Variants in SLC2A10 observed in about 807,000 individuals in gnomAD.
SLC2A10 encodes solute carrier family 2, facilitated glucose transporter member 10.
SLC2A10 carries 25 observed loss-of-function variants against 32.1 expected under a neutral mutation model. The observed-to-expected ratio is 0.78, with a 90% confidence interval of 0.57 to 1.09. SLC2A10 has a LOEUF of 1.09. SLC2A10 is among the 50% of genes least tolerant of loss of function. The probability of loss-of-function intolerance (pLI) is 0.00; values close to 1 mark genes in which losing one functional copy is unlikely to be tolerated. For missense variants in SLC2A10, 673 were observed against 686.5 expected, an observed-to-expected ratio of 0.98 and a Z score of 0.22; for synonymous variants, 332 against 309.6, an observed-to-expected ratio of 1.07 and a Z score of -0.76.
chr20:46,723,291 AAGATCT>A (rs1600664653), intron 1 of SLC2A10, among the ~76,000 whole-genome samples: 1 of 152,102 alleles, frequency 6.6e-6, no homozygotes, highest in East Asian at 1.9e-4. Context: ...AAGGGCAAAA[AAGATCT>A]AGCCAGCTGT....
intron 1 of SLC2A10, 106 bp from the exon 2 acceptor site, chr20:46,724,935 G>T: frequency 6.9e-7 from 1 of 1,441,574 alleles, no homozygotes; most frequent in East Asian, 2.3e-5. Flanking sequence ...AGATGGAGTA[G>T]ATGGATGGAT....
intron 4 of SLC2A10, among the ~76,000 whole-genome samples, chr20:46,732,891 G>T (rs1980369388): frequency 1.3e-5 from 2 of 152,148 alleles, no homozygotes; most frequent in African/African-American, 4.8e-5. Flanking sequence ...CTAGGTGGAG[G>T]GAACAGCAAG....
chr20:46,726,457 G>A, intron 2 of SLC2A10, 133 bp downstream of exon 2: 1 of 1,368,222 alleles, frequency 7.3e-7, no homozygotes, highest in South Asian at 1.3e-5. Flanking sequence ...TGAAGCCTCA[G>A]GGCCCCTCAC....
Position 46,735,959 on chromosome 20 carries a change from C to T in SLC2A10, c.*2125C>T, listed in dbSNP as rs1177948894. 1 of 152,136 alleles carries T rather than the reference C, an allele frequency of 6.6e-6. No homozygotes were observed. Among genetic ancestry groups the T allele is most frequent in the Non-Finnish European group, 1.5e-5 (1 of 68,028 alleles). The allele number at this position is 152,136 out of a possible 1,614,324, so 9.4% of individuals were successfully genotyped here. ...AATTTCAACCAGCATTCATGCCGAA[C>T]CTATACCCATTCTTCAGTGCCTAGC... On this transcript the variant is annotated 3_prime_UTR_variant, in exon 5 of 5. Transcript: ENST00000359271.
At chr20:46,732,119 A>G (rs1019074244) in intron 4 of SLC2A10, among the ~76,000 whole-genome samples, 2 of 152,192 alleles carry the variant, frequency 1.3e-5, no homozygotes, top group Non-Finnish European at 2.9e-5. Context: ...ATGGGGACCT[A>G]CATCTTATGG....
chr20:46,710,117 G>C (rs544619423), intron 1 of SLC2A10: 2 of 453,280 alleles, frequency 4.4e-6, no homozygotes, highest in South Asian at 5.2e-5. Context: ...CGCTGAGCGC[G>C]GTTGTGCCCC....
chr20:46,710,755 T>C (rs1978861093), intron 1 of SLC2A10, among the ~76,000 whole-genome samples: 1 of 152,216 alleles, frequency 6.6e-6, no homozygotes, highest in Non-Finnish European at 1.5e-5. Flanking sequence ...GTCAAAGGGA[T>C]GGCAGAGAGG....
chr20:46,729,855 C>T (rs1461036468), intron 4 of SLC2A10, among the ~76,000 whole-genome samples: 1 of 151,964 alleles, frequency 6.6e-6, no homozygotes, highest in Non-Finnish European at 1.5e-5. Context: ...TGGTCTCGAT[C>T]TCCTGACCTC....
intron 1 of SLC2A10, 87 bp downstream of exon 1, chr20:46,709,827 G>T (rs1163915213): frequency 2.7e-6 from 4 of 1,481,732 alleles, no homozygotes; most frequent in Non-Finnish European, 3.7e-6. Context: ...AAGAGTGCGC[G>T]CCCCCTGGCT....
At chr20:46,709,441 A>C, upstream of SLC2A10, 1 of 431,946 alleles carries the variant, frequency 2.3e-6, no homozygotes, top group Non-Finnish European at 4.1e-6. Context: ...AACGAAGGGG[A>C]CCCGGGAGAT....
At chr20:46,731,890 A>G (rs944944487) in intron 4 of SLC2A10, among the ~76,000 whole-genome samples, 2 of 152,196 alleles carry the variant, frequency 1.3e-5, no homozygotes, top group Admixed American at 6.5e-5. Context: ...TACAAGAGCC[A>G]TGGTCCCAGG....
rs568946179 is a variant in SLC2A10, at chr20:46,729,636, T to G, written c.1547+148T>G. 96 of 237,718 alleles carry G rather than the reference T, an allele frequency of 4.0e-4. 1 individual carries two copies. Among genetic ancestry groups the G allele is most frequent in the African/African-American group, 1.8e-3 (43 of 23,790 alleles). The allele number at this position is 237,718 out of a possible 1,614,324, so 14.7% of individuals were successfully genotyped here. ...CCTGGGCACTATGAGTTTTTTTTTT[T>G]TTTTTTTTTTTTTTTTTTTTTTTGA... On this transcript the variant is annotated intron_variant, in intron 4 of 4. Transcript: ENST00000359271.
chr20:46,718,229 A>G (rs1979363087), intron 1 of SLC2A10, among the ~76,000 whole-genome samples: 1 of 152,066 alleles, frequency 6.6e-6, no homozygotes, highest in Non-Finnish European at 1.5e-5. Context: ...AGAAAAAAAA[A>G]AGAAAGAAAA....
intron 1 of SLC2A10, among the ~76,000 whole-genome samples, chr20:46,723,084 A>G (rs1223608470): frequency 6.6e-6 from 1 of 152,224 alleles, no homozygotes; most frequent in Non-Finnish European, 1.5e-5. Flanking sequence ...ACATAAAAAT[A>G]TATGGAGATT....
rs748983679 is a variant in SLC2A10 at position 46,726,232 on chromosome 20, C to T, written c.1196C>T (p.Pro399Leu). 6 of 1,613,788 alleles carry T rather than the reference C, an allele frequency of 3.7e-6. No individual in the cohort carries two copies. The South Asian group carries it at 6.6e-5, about 18-fold the overall frequency. Reference protein sequence around the residue: ...LALSSALPGPPLPARGHALLR... With the variant: ...LALSSALPGPLLPARGHALLR... ...CTGAGCTCTGCCCTCCCTGGGCCCCCTCTGCCCGCTCGGGGGCATGCACTG... is the reference window on the plus strand; with the variant it reads ...CTGAGCTCTGCCCTCCCTGGGCCCCTTCTGCCCGCTCGGGGGCATGCACTG... Residue 399 changes from proline (P) to leucine (L), a missense_variant, in exon 2 of 5, where the codon CCT (proline) becomes CTT (leucine). Pro to Leu is a moderately conservative substitution (Grantham distance 98). Coordinates refer to ENST00000359271, the MANE Select transcript of SLC2A10 (RefSeq NM_030777.4).
At chr20:46,713,896 C>T (rs951588016) in intron 1 of SLC2A10, among the ~76,000 whole-genome samples, 21 of 152,136 alleles carry the variant, frequency 1.4e-4, no homozygotes, top group African/African-American at 5.1e-4. Context: ...CATAAAGGAA[C>T]TTGCAGTGTG....
At chr20:46,722,456 A>G (rs1023647135) in intron 1 of SLC2A10, among the ~76,000 whole-genome samples, 4 of 152,248 alleles carry the variant, frequency 2.6e-5, no homozygotes, top group African/African-American at 9.6e-5. Context: ...GCAGCTGATC[A>G]TGTCTTCAGA....
Position 46,725,425 on chromosome 20 carries a change from G to A in SLC2A10, c.389G>A (p.Arg130Gln), listed in dbSNP as rs1438650724. Residue 130 changes from arginine (R) to glutamine (Q), a missense_variant, in exon 2 of 5, where the codon CGG becomes CAG. By Grantham distance (43) the Arg-to-Gln change is conservative. Transcript: ENST00000359271. ...TACGTGTCAGAGCTGGTGGGGCCAC[G>A]GCAGCGGGGAGTGCTGGTGTCCCTC... ...CIYVSELVGP[R>Q]QRGVLVSLYE... 25 of 1,614,020 alleles carry A rather than the reference G, an allele frequency of 1.5e-5. No individual in the cohort carries two copies. Among genetic ancestry groups the A allele is most frequent in the Admixed American group, 5.0e-5 (3 of 60,004 alleles).
Position 46,725,884 on chromosome 20 carries a change from C to A in SLC2A10, c.848C>A (p.Ala283Asp), listed in dbSNP as rs145994112. Residue 283 changes from alanine to aspartate, a missense_variant, in exon 2 of 5, where the codon GCT becomes GAT. By Grantham distance (126) the Ala-to-Asp change is moderately radical. Coordinates refer to ENST00000359271, the MANE Select transcript of SLC2A10 (RefSeq NM_030777.4). ...SVGLGAVKVAATLTAMGLVDR... is the reference protein window; with the variant it reads ...SVGLGAVKVADTLTAMGLVDR... ...GGGCTTGGCGCAGTGAAGGTGGCAG[C>A]TACCCTGACCGCCATGGGGCTGGTG... The A allele has an allele frequency of 5.5e-5, 89 of 1,614,080 alleles. No individual in the cohort carries two copies. Among genetic ancestry groups the A allele is most frequent in the Non-Finnish European group, 7.0e-5 (83 of 1,180,048 alleles).
Sources: gnomAD v4.1 joint callset for allele counts (sites outside exome capture counted in the v4.1 genomes callset) on GRCh38, gnomAD v4.1.1 for gene constraint, MANE v1.5 for transcripts, NCBI Gene and HGNC (gene_info 2026-07-23, HGNC 2026-07-21) for gene names.